The following HYAL4 variants were observed in gnomAD, a reference collection of about 807,000 sequenced individuals.
The protein encoded by HYAL4 is hyaluronidase 4.
A neutral mutation model predicts 35.2 loss-of-function variants in HYAL4; 37 were observed. The ratio of observed to expected loss-of-function variants is 1.05; its 90% CI spans 0.81 to 1.38. The LOEUF (loss-of-function observed/expected upper bound fraction) is 1.38. Among genes scored for constraint, HYAL4 ranks in the 40% most tolerant of loss-of-function variants. HYAL4 has a pLI of 0.00. For missense variants in HYAL4, 572 were observed against 572.4 expected, an observed-to-expected ratio of 1.00 and a Z score of 0.01; for synonymous variants, 198 against 203.2, an observed-to-expected ratio of 0.97 and a Z score of 0.22.
At chr7:123,858,286 A>G (rs1377822098) in intron 2 of HYAL4, among the ~76,000 whole-genome samples, 2 of 152,294 alleles carry the variant, frequency 1.3e-5, no homozygotes, top group East Asian at 3.9e-4. Flanking sequence ...GCTCTTTATA[A>G]GCCAAAATCT....
At chr7:123,804,941 A>T in the HYAL4 span, among the ~76,000 whole-genome samples, 1 of 152,184 alleles carries the variant, frequency 6.6e-6, no homozygotes, top group African/African-American at 2.4e-5. Flanking sequence ...ACCTATTCTC[A>T]CTTCCAGATG....
chr7:123,841,074 A>G (rs892954900), upstream of HYAL4, among the ~76,000 whole-genome samples: 1 of 151,926 alleles, frequency 6.6e-6, no homozygotes, highest in Admixed American at 6.6e-5. Context: ...CTGGTTTTCA[A>G]CAGGAATGCT....
chr7:123,843,427 T>C (rs2116918560), upstream of HYAL4, among the ~76,000 whole-genome samples: 1 of 152,156 alleles, frequency 6.6e-6, no homozygotes, highest in African/African-American at 2.4e-5. Flanking sequence ...TGGCTGCTCT[T>C]AACACTTTTT....
At chr7:123,827,225 A>T (rs1019374367), upstream of HYAL4, among the ~76,000 whole-genome samples, 1 of 152,112 alleles carries the variant, frequency 6.6e-6, no homozygotes, top group Non-Finnish European at 1.5e-5. Flanking sequence ...GATGAACAGG[A>T]GCCAGTAAAG....
chr7:123,874,912 TG>T, intron 4 of HYAL4, 62 bp downstream of exon 4: 1 of 998,218 alleles, frequency 1.0e-6, no homozygotes, highest in Non-Finnish European at 1.6e-6. Flanking sequence ...TCTGCTTTCT[TG>T]GAGAGCTTAA....
intron 1 of HYAL4, among the ~76,000 whole-genome samples, chr7:123,836,912 C>T (rs2116911355): frequency 6.6e-6 from 1 of 152,090 alleles, no homozygotes; most frequent in Admixed American, 6.6e-5. Flanking sequence ...CCTGTAATCC[C>T]AGTTACTCAG....
chr7:123,775,503 A>G, the HYAL4 span, among the ~76,000 whole-genome samples: 9 of 152,286 alleles, frequency 5.9e-5, no homozygotes, highest in South Asian at 1.7e-3. Flanking sequence ...CTAAAGCTAT[A>G]TATATTGAAT....
intron 2 of HYAL4, among the ~76,000 whole-genome samples, chr7:123,866,455 T>C (rs1007205254): frequency 9.9e-5 from 15 of 152,184 alleles, no homozygotes; most frequent in Admixed American, 1.3e-4. Flanking sequence ...TTTTGGCTTA[T>C]TTAATGAAAT....
the HYAL4 span, among the ~76,000 whole-genome samples, chr7:123,787,846 C>G: frequency 6.6e-6 from 1 of 152,066 alleles, no homozygotes; most frequent in Admixed American, 6.5e-5. Flanking sequence ...TTTTTTTAAC[C>G]ATGGTGAGTC....
At chr7:123,842,668 A>C (rs1265893569), upstream of HYAL4, among the ~76,000 whole-genome samples, 1 of 151,884 alleles carries the variant, frequency 6.6e-6, no homozygotes, top group Non-Finnish European at 1.5e-5. Context: ...TTGCTTTATG[A>C]ATCTGGGTGC....
intron 2 of HYAL4, among the ~76,000 whole-genome samples, chr7:123,857,110 G>C (rs1436103565): frequency 6.6e-6 from 1 of 152,206 alleles, no homozygotes; most frequent in Non-Finnish European, 1.5e-5. Context: ...ATGGATCTTA[G>C]CTTGCTGGGC....
intron 1 of HYAL4, among the ~76,000 whole-genome samples, chr7:123,847,243 C>T (rs958924844): frequency 1.3e-5 from 2 of 152,060 alleles, no homozygotes; most frequent in African/African-American, 2.4e-5. Flanking sequence ...CTGAGATATA[C>T]TTTTAGTTGT....
chr7:123,765,251 CAG>C, the HYAL4 span, among the ~76,000 whole-genome samples: 849 of 151,920 alleles, frequency 5.6e-3, 3 homozygotes, highest in Middle Eastern at 0.01. Flanking sequence ...AAGATGATAA[CAG>C]AGATGCTTTG....
chr7:123,846,228 T>A (rs1806170310), intron 1 of HYAL4, among the ~76,000 whole-genome samples: 1 of 152,008 alleles, frequency 6.6e-6, no homozygotes, highest in South Asian at 2.1e-4. Context: ...ATGCCCTTTG[T>A]CTTCAGCTGC....
the HYAL4 span, among the ~76,000 whole-genome samples, chr7:123,769,169 G>A: frequency 6.6e-6 from 1 of 152,114 alleles, no homozygotes; most frequent in South Asian, 2.1e-4. Context: ...TCAAGCAAGA[G>A]GATCTATCTT....
At chr7:123,810,748 C>T in the HYAL4 span, among the ~76,000 whole-genome samples, 16 of 152,278 alleles carry the variant, frequency 1.1e-4, no homozygotes, top group African/African-American at 1.9e-4. Context: ...AAATGTATAA[C>T]GGCATGTATC....
chr7:123,792,113 C>T, the HYAL4 span, among the ~76,000 whole-genome samples: 1 of 151,964 alleles, frequency 6.6e-6, no homozygotes, highest in African/African-American at 2.4e-5. Flanking sequence ...GGGCATAGAG[C>T]CCTGACCTCA....
At chr7:123,876,438 T>G (rs529381301) in intron 4 of HYAL4, among the ~76,000 whole-genome samples, 1 of 152,312 alleles carries the variant, frequency 6.6e-6, no homozygotes, top group Admixed American at 6.5e-5. Context: ...AAAAAGAATG[T>G]AAATTGCAGA....
chr7:123,770,503 A>G, the HYAL4 span, among the ~76,000 whole-genome samples: 1 of 151,938 alleles, frequency 6.6e-6, no homozygotes, highest in Non-Finnish European at 1.5e-5. Context: ...AAAAAGTAAC[A>G]TTAAAGTTGG....
Sources: gnomAD v4.1 joint callset for allele counts (sites outside exome capture counted in the v4.1 genomes callset) on GRCh38, gnomAD v4.1.1 for gene constraint, MANE v1.5 for transcripts, NCBI Gene and HGNC (gene_info 2026-07-23, HGNC 2026-07-21) for gene names.